The following CRIM1 variants were observed in gnomAD, a reference collection of about 807,000 sequenced individuals.
CRIM1 encodes cysteine-rich motor neuron 1 protein.
Under a neutral mutation model 116.4 loss-of-function variants are expected in CRIM1, and 32 were observed. The ratio of observed to expected loss-of-function variants is 0.27; its 90% CI spans 0.21 to 0.37. CRIM1 has a LOEUF of 0.37. Among genes scored for constraint, CRIM1 ranks in the 10% least tolerant of loss-of-function variants. CRIM1 has a pLI of 1.00. For synonymous variants in CRIM1, 590 were observed against 509.2 expected (o/e 1.16, Z -2.13); for missense variants, 1,331 against 1,354.8 (o/e 0.98, Z 0.28).
At chr2:36,477,118 A>G (rs777147024) in intron 6 of CRIM1, 47 bp downstream of exon 6, 124 of 1,429,744 alleles carry the variant, frequency 8.7e-5, no homozygotes, top group Non-Finnish European at 1.1e-4. Flanking sequence ...TACATGGTAT[A>G]GAGTTCTAAA....
intron 1 of CRIM1, among the ~76,000 whole-genome samples, chr2:36,362,130 G>T (rs1313788334): frequency 2.0e-5 from 3 of 152,012 alleles, no homozygotes. Flanking sequence ...AAGACAGCAA[G>T]ACTGCAAAAA....
chr2:36,452,606 T>G (rs745529145), intron 4 of CRIM1, among the ~76,000 whole-genome samples: 6 of 152,198 alleles, frequency 3.9e-5, no homozygotes, highest in Non-Finnish European at 7.4e-5. Context: ...AAATGAACTG[T>G]CTCCCTAGTA....
chr2:36,536,799 T>TG (rs1051864133), intron 13 of CRIM1, among the ~76,000 whole-genome samples: 1 of 147,114 alleles, frequency 6.8e-6, no homozygotes, highest in African/African-American at 2.6e-5. Context: ...ACCAGTTTTC[T>TG]GGGGGAAAAA....
intron 4 of CRIM1, among the ~76,000 whole-genome samples, chr2:36,462,351 G>C (rs1677648131): frequency 6.6e-6 from 1 of 152,172 alleles, no homozygotes; most frequent in African/African-American, 2.4e-5. Context: ...CTCCCTAAAT[G>C]TATTTTTTAA....
chr2:36,513,523 ACTT>A (rs758051857), intron 10 of CRIM1, 30 bp from the exon 11 acceptor site: 1 of 1,587,834 alleles, frequency 6.3e-7, no homozygotes, highest in South Asian at 1.1e-5. Flanking sequence ...TGCAGTAGCC[ACTT>A]CTTTACCAGG....
chr2:36,506,451 C>T (rs990285490), intron 8 of CRIM1, among the ~76,000 whole-genome samples: 3 of 152,066 alleles, frequency 2.0e-5, no homozygotes, highest in African/African-American at 7.2e-5. Flanking sequence ...ATGCAGTACT[C>T]CTCTAGGGGA....
chr2:36,534,956 T>G (rs1572950964), intron 13 of CRIM1, among the ~76,000 whole-genome samples: 1 of 152,128 alleles, frequency 6.6e-6, no homozygotes. Flanking sequence ...AAACATTGCT[T>G]CTTTTCATAA....
intron 5 of CRIM1, among the ~76,000 whole-genome samples, chr2:36,471,326 A>C (rs895062354): frequency 2.0e-5 from 3 of 152,186 alleles, no homozygotes; most frequent in African/African-American, 7.2e-5. Flanking sequence ...AAATGCTATC[A>C]AACAGCATCA....
chr2:36,444,379 T>A lies in CRIM1; in HGVS notation c.869+1644T>A, dbSNP rs192967628. ...TGCTTCCTGAGGCAGACAGAGCTCC[T>A]TGGAGCTGGATAGATTTCTTTCCGT... On this transcript the variant is annotated intron_variant, in intron 4 of 16. Transcript: ENST00000280527. 5.9e-5 allele frequency among the ~76,000 whole-genome samples: 9 copies of A among 152,032 alleles called. No individual in the cohort carries two copies. In the East Asian group the frequency reaches 1.4e-3, roughly 23 times the overall value.
chr2:36,499,769 C>T (rs1680858171), intron 8 of CRIM1, among the ~76,000 whole-genome samples: 1 of 152,142 alleles, frequency 6.6e-6, no homozygotes, highest in African/African-American at 2.4e-5. Context: ...CATGCAGATT[C>T]CAATCATGTA....
intron 2 of CRIM1, among the ~76,000 whole-genome samples, chr2:36,431,861 A>G (rs547911899): frequency 1.3e-5 from 2 of 152,314 alleles, no homozygotes; most frequent in African/African-American, 4.8e-5. Context: ...AAAATCTGAC[A>G]TTTTATTATG....
At chr2:36,398,082 A>T (rs1672157847) in intron 2 of CRIM1, among the ~76,000 whole-genome samples, 1 of 152,252 alleles carries the variant, frequency 6.6e-6, no homozygotes. Flanking sequence ...CAACTTCAGT[A>T]TGTAAACATT....
At chr2:36,414,354 T>C (rs1673441888) in intron 2 of CRIM1, among the ~76,000 whole-genome samples, 1 of 152,236 alleles carries the variant, frequency 6.6e-6, no homozygotes, top group South Asian at 2.1e-4. Flanking sequence ...TTACATTGGA[T>C]AGGGTAGTTA....
intron 1 of CRIM1, among the ~76,000 whole-genome samples, chr2:36,370,248 C>G (rs1327089552): frequency 6.7e-6 from 1 of 149,154 alleles, no homozygotes; most frequent in Admixed American, 6.7e-5. Flanking sequence ...CAGTTTTTGA[C>G]CTTACGCAGA....
intron 11 of CRIM1, among the ~76,000 whole-genome samples, chr2:36,516,526 TCTC>T (rs1665041290): frequency 6.6e-6 from 1 of 152,086 alleles, no homozygotes; most frequent in Non-Finnish European, 1.5e-5. Flanking sequence ...CAAAACTACC[TCTC>T]CTCTGGGGAA....
intron 1 of CRIM1, among the ~76,000 whole-genome samples, chr2:36,376,805 T>C (rs544236488): frequency 6.6e-6 from 1 of 152,306 alleles, no homozygotes; most frequent in African/African-American, 2.4e-5. Context: ...CCTGACCTGC[T>C]GTGAGGGTTT....
At chr2:36,546,683 A>C (rs1667355245) in intron 15 of CRIM1, among the ~76,000 whole-genome samples, 1 of 151,914 alleles carries the variant, frequency 6.6e-6, no homozygotes, top group Non-Finnish European at 1.5e-5. Flanking sequence ...ACTTTTTCAA[A>C]ATCTACCTAA....
chr2:36,456,834 T>C (rs1206283865), intron 4 of CRIM1, among the ~76,000 whole-genome samples: 1 of 152,126 alleles, frequency 6.6e-6, no homozygotes, highest in South Asian at 2.1e-4. Flanking sequence ...CCCTGATTTT[T>C]TTTTTTTTTA....
chr2:36,449,322 A>G (rs1055121154), intron 4 of CRIM1, among the ~76,000 whole-genome samples: 1 of 152,010 alleles, frequency 6.6e-6, no homozygotes, highest in Non-Finnish European at 1.5e-5. Context: ...GGCACTTACC[A>G]CTGAGCTGCA....
Sources: allele counts gnomAD v4.1 joint callset (sites outside exome capture counted in the v4.1 genomes callset), GRCh38; gene constraint gnomAD v4.1.1; transcripts MANE v1.5; gene names NCBI Gene and HGNC (gene_info 2026-07-23, HGNC 2026-07-21).